The following TDRD9 variants were observed in gnomAD, a reference collection of about 807,000 sequenced individuals.
TDRD9 encodes tudor domain containing 9, also known as ATP-dependent RNA helicase TDRD9.
In TDRD9, 124 loss-of-function variants were observed where a neutral mutation model predicts 172.6. The observed-to-expected ratio is 0.72, with a 90% confidence interval of 0.62 to 0.83. The LOEUF (loss-of-function observed/expected upper bound fraction) is 0.83, where lower values mean the gene tolerates loss of function less well. Ranked by LOEUF, TDRD9 falls within the 40% of genes least tolerant of loss-of-function variation. The pLI, the probability that TDRD9 is intolerant of heterozygous loss-of-function variation, is 0.00. For synonymous variants in TDRD9, 619 were observed against 617.1 expected (o/e 1.00, Z -0.05); for missense variants, 1,479 against 1,714.1 (o/e 0.86, Z 2.42).
At position 104,052,214 on chromosome 14, in the gene TDRD9, T is replaced by G; in HGVS notation, c.*132T>G. ...GTGCCCACTGCATCCTAAAGGCCTTTTCTTTCTTCTTTTCTCTTTGGGTGA... is the reference window on the plus strand; with the variant it reads ...GTGCCCACTGCATCCTAAAGGCCTTGTCTTTCTTCTTTTCTCTTTGGGTGA... On this transcript the variant is annotated 3_prime_UTR_variant, in exon 36 of 36. Coordinates refer to ENST00000409874, the MANE Select transcript of TDRD9 (RefSeq NM_153046.3). 5.6e-6 allele frequency: 3 copies of G among 532,660 alleles called. No individual in the cohort carries two copies. The highest frequency in any genetic ancestry group is 1.0e-5 in the Non-Finnish European group (3 of 299,334). 33.0% of individuals were successfully genotyped at this position (532,660 alleles called of 1,614,324 possible).
intron 9 of TDRD9, among the ~76,000 whole-genome samples, chr14:103,993,310 T>TG (rs2033942670): frequency 6.6e-6 from 1 of 152,214 alleles, no homozygotes; most frequent in African/African-American, 2.4e-5. Flanking sequence ...ACTTTTTACC[T>TG]GCTAAACATT....
At chr14:104,043,706 G>T (rs1451188934) in intron 34 of TDRD9, among the ~76,000 whole-genome samples, 1 of 152,130 alleles carries the variant, frequency 6.6e-6, no homozygotes, top group Admixed American at 6.5e-5. Context: ...GCCTTATTAT[G>T]CCATAGGTAG....
chr14:103,983,645 A>C (rs2033565558), intron 7 of TDRD9, among the ~76,000 whole-genome samples: 1 of 152,218 alleles, frequency 6.6e-6, no homozygotes, highest in Non-Finnish European at 1.5e-5. Flanking sequence ...TACTGTAGAA[A>C]GATGCTTGTG....
intron 33 of TDRD9, among the ~76,000 whole-genome samples, chr14:104,040,688 C>T (rs1807034019): frequency 6.6e-6 from 1 of 152,184 alleles, no homozygotes; most frequent in Non-Finnish European, 1.5e-5. Context: ...CTAGTTCTTA[C>T]TGGGAAAGGA....
At position 104,014,824 on chromosome 14, in the gene TDRD9, C is replaced by CAGCG. The variant is rs763149886; in HGVS notation, c.2208_2211dup (p.Phe738AlafsTer24). On this transcript the variant is annotated frameshift_variant, in exon 21 of 36. Transcript: ENST00000409874. LOFTEE classifies it high-confidence loss of function. ...CATGGACCAAGAGTATATATATAAGCAGCGATTCATCCTACAGGTGTGCTG... is the reference window on the plus strand; with the variant it reads ...CATGGACCAAGAGTATATATATAAGCAGCGAGCGATTCATCCTACAGGTGTGCTG... 2 of 1,602,508 alleles carry CAGCG rather than the reference C, an allele frequency of 1.2e-6. No homozygotes were observed. The highest frequency in any genetic ancestry group is 1.1e-5 in the South Asian group (1 of 90,322).
chr14:104,048,197 G>A (rs992038308), intron 34 of TDRD9, among the ~76,000 whole-genome samples: 1 of 152,206 alleles, frequency 6.6e-6, no homozygotes. Flanking sequence ...CCCCTGTGAT[G>A]TGAGGTCACT....
At chr14:104,015,616 A>G (rs926660613) in intron 21 of TDRD9, among the ~76,000 whole-genome samples, 3 of 152,196 alleles carry the variant, frequency 2.0e-5, no homozygotes, top group Non-Finnish European at 4.4e-5. Context: ...TACCTTGCAC[A>G]TAGATGTGTG....
At chr14:104,042,631 G>A (rs1416947840) in intron 34 of TDRD9, among the ~76,000 whole-genome samples, 1 of 152,214 alleles carries the variant, frequency 6.6e-6, no homozygotes, top group African/African-American at 2.4e-5. Flanking sequence ...AAACCAGAAT[G>A]CAGACACAAA....
At chr14:104,046,614 G>A (rs1596033560) in intron 34 of TDRD9, among the ~76,000 whole-genome samples, 1 of 152,074 alleles carries the variant, frequency 6.6e-6, no homozygotes, top group East Asian at 1.9e-4. Context: ...TGTCTTAATT[G>A]CTGTAGCATT....
Position 104,016,017 on chromosome 14 carries a change from AC to A in TDRD9, c.2261del (p.Thr754IlefsTer11), listed in dbSNP as rs763891026. On this transcript the variant is annotated frameshift_variant, in exon 22 of 36. Coordinates refer to ENST00000409874, the MANE Select transcript of TDRD9 (RefSeq NM_153046.3). LOFTEE classifies it high-confidence loss of function. The part of the protein sequence containing the change: ...LAGAFYPNYF[T>X]FGQPDEEMAV... ...AGGTGCTTTCTATCCAAATTACTTT[AC>A]TTTTGGACAGCCGGATGAGGAGATG... 2.0e-5 allele frequency: 32 copies of A among 1,598,416 alleles called. No homozygotes were observed. The highest frequency in any genetic ancestry group is 1.7e-5 in the Admixed American group (1 of 57,722).
chr14:104,042,580 C>T (rs1459463407), intron 34 of TDRD9, among the ~76,000 whole-genome samples: 1 of 152,160 alleles, frequency 6.6e-6, no homozygotes, highest in African/African-American at 2.4e-5. Context: ...ACCTGACTTC[C>T]CTGTTTCTCA....
At chr14:103,950,615 G>C (rs1245819124) in intron 1 of TDRD9, among the ~76,000 whole-genome samples, 3 of 152,208 alleles carry the variant, frequency 2.0e-5, no homozygotes, top group Non-Finnish European at 2.9e-5. Flanking sequence ...GATCACGGGA[G>C]GTTAGAGAGA....
At chr14:103,988,622 C>G (rs998768982) in intron 8 of TDRD9, among the ~76,000 whole-genome samples, 1 of 150,274 alleles carries the variant, frequency 6.7e-6, no homozygotes, top group Non-Finnish European at 1.5e-5. Flanking sequence ...GTCTCATATT[C>G]TTTTTGTTCC....
intron 23 of TDRD9, 80 bp downstream of exon 23, chr14:104,018,272 C>T (rs72714910): frequency 5.6e-4 from 520 of 924,500 alleles, no homozygotes; most frequent in Non-Finnish European, 7.8e-4. Flanking sequence ...ATTGTTAAAA[C>T]GGAGTGCCCA....
chr14:104,025,950 T>G, intron 26 of TDRD9, 97 bp from the exon 27 acceptor site: 1 of 1,000,974 alleles, frequency 1.0e-6, no homozygotes, highest in Non-Finnish European at 1.5e-6. Flanking sequence ...AAGAATTCTA[T>G]AATTATAGGA....
intron 7 of TDRD9, among the ~76,000 whole-genome samples, chr14:103,984,334 G>A (rs1358825159): frequency 6.6e-6 from 1 of 152,182 alleles, no homozygotes; most frequent in African/African-American, 2.4e-5. Flanking sequence ...CACATCACAG[G>A]CCTGGAGGCC....
At position 103,928,542 on chromosome 14, in the gene TDRD9, C is replaced by T. The variant is rs184390484; in HGVS notation, c.33C>T (p.Asn11=). ...GGAAGCTCACCATCGAGCAGATCAA[C>T]GACTGGTTCACCATCGGCAAGACGG... MLRKLTIEQI[N]DWFTIGKTVT... is the part of the protein sequence containing the mutation. The change falls in exon 1 of 36, where the codon AAC becomes AAT. Residue 11 remains asparagine (N), a synonymous_variant. Coordinates refer to ENST00000409874, the MANE Select transcript of TDRD9 (RefSeq NM_153046.3). 2.5e-4 allele frequency: 343 copies of T among 1,395,148 alleles called. 1 individual carries two copies. The East Asian group carries it at 0.011, about 45-fold the overall frequency. The allele number at this position is 1,395,148 out of a possible 1,614,324, so 86.4% of individuals were successfully genotyped here.
At chr14:104,008,824 G>A (rs1022284470) in intron 20 of TDRD9, among the ~76,000 whole-genome samples, 2 of 152,206 alleles carry the variant, frequency 1.3e-5, no homozygotes, top group South Asian at 4.1e-4. Flanking sequence ...TGAGGTGAGA[G>A]GTTTGCATGA....
intron 23 of TDRD9, among the ~76,000 whole-genome samples, chr14:104,021,421 G>T (rs1435378565): frequency 6.6e-6 from 1 of 152,184 alleles, no homozygotes; most frequent in Non-Finnish European, 1.5e-5. Context: ...TGGCCCAGGC[G>T]CTGTGGCTCA....
Sources: gnomAD v4.1 joint callset for allele counts (sites outside exome capture counted in the v4.1 genomes callset) on GRCh38, gnomAD v4.1.1 for gene constraint, MANE v1.5 for transcripts, NCBI Gene and HGNC (gene_info 2026-07-23, HGNC 2026-07-21) for gene names.